SH3PXD2B: variants seen among roughly 807,000 people sequenced by gnomAD.
SH3PXD2B encodes the protein SH3 and PX domain-containing protein 2B.
In SH3PXD2B, 37 loss-of-function variants were observed where a neutral mutation model predicts 73.1. The ratio of observed to expected loss-of-function variants is 0.51; its 90% CI spans 0.39 to 0.67. The LOEUF is 0.67. SH3PXD2B is among the 30% of genes least tolerant of loss of function. The pLI, the probability that SH3PXD2B is intolerant of heterozygous loss-of-function variation, is 0.00. For missense variants in SH3PXD2B, 1,053 were observed against 1,197.8 expected (o/e 0.88, Z 1.78); for synonymous variants, 457 against 480.5 (o/e 0.95, Z 0.64).
At chr5:172,326,076 C>T (rs962349147) in intron 12 of SH3PXD2B, among the ~76,000 whole-genome samples, 5 of 152,134 alleles carry the variant, frequency 3.3e-5, no homozygotes, top group Admixed American at 6.5e-5. Context: ...CGTGAGCCAC[C>T]GCGCCTGGCT....
intron 1 of SH3PXD2B, among the ~76,000 whole-genome samples, chr5:172,444,619 G>T (rs1276465467): frequency 9.9e-5 from 15 of 152,166 alleles, no homozygotes; most frequent in Admixed American, 9.8e-4. Flanking sequence ...GGAATTTCAG[G>T]ATTACTACTG....
At chr5:172,387,909 T>C (rs1438790021) in intron 4 of SH3PXD2B, among the ~76,000 whole-genome samples, 10 of 151,116 alleles carry the variant, frequency 6.6e-5, no homozygotes, top group Non-Finnish European at 1.5e-5. Context: ...CTAAAACATT[T>C]TGTAATATTG....
intron 1 of SH3PXD2B, among the ~76,000 whole-genome samples, chr5:172,453,442 TC>T (rs1759848583): frequency 6.6e-6 from 1 of 152,004 alleles, no homozygotes; most frequent in Non-Finnish European, 1.5e-5. Context: ...TGCAGACGTG[TC>T]CCCTAGGTTG....
chr5:172,381,997 T>G, intron 5 of SH3PXD2B, 39 bp downstream of exon 5: 1 of 1,530,204 alleles, frequency 6.5e-7, no homozygotes, highest in Non-Finnish European at 9.0e-7. Flanking sequence ...GAGGGAGGGC[T>G]GTGGGGCTCC....
At chr5:172,432,987 TACAC>T (rs371432230) in intron 1 of SH3PXD2B, among the ~76,000 whole-genome samples, 2 of 150,142 alleles carry the variant, frequency 1.3e-5, no homozygotes, top group East Asian at 3.9e-4. Context: ...TGTGTGTCTG[TACAC>T]ACACACACAC....
intron 2 of SH3PXD2B, among the ~76,000 whole-genome samples, chr5:172,420,119 G>C (rs1273849905): frequency 6.6e-6 from 1 of 152,198 alleles, no homozygotes; most frequent in South Asian, 2.1e-4. Context: ...CCAGGGTTTA[G>C]ATCTTTCTTC....
intron 1 of SH3PXD2B, among the ~76,000 whole-genome samples, chr5:172,429,223 T>C (rs1473041830): frequency 6.6e-6 from 1 of 152,156 alleles, no homozygotes; most frequent in Non-Finnish European, 1.5e-5. Flanking sequence ...CTTTGGTCTG[T>C]AGAAAGGGAC....
At chr5:172,351,705 A>G (rs1757162238) in intron 9 of SH3PXD2B, among the ~76,000 whole-genome samples, 1 of 152,150 alleles carries the variant, frequency 6.6e-6, no homozygotes, top group South Asian at 2.1e-4. Flanking sequence ...GGAAAGTTGA[A>G]CAGACCCAAT....
intron 6 of SH3PXD2B, among the ~76,000 whole-genome samples, chr5:172,363,271 A>T (rs1169345024): frequency 6.6e-6 from 1 of 152,092 alleles, no homozygotes; most frequent in Non-Finnish European, 1.5e-5. Context: ...ATGATATATC[A>T]AATTAAACAC....
intron 2 of SH3PXD2B, among the ~76,000 whole-genome samples, chr5:172,412,249 G>A (rs146398716): frequency 1.6e-3 from 242 of 152,356 alleles, no homozygotes; most frequent in African/African-American, 5.5e-3. Flanking sequence ...TAGCAGGGCT[G>A]TCTGCTGGCA....
At position 172,334,926 on chromosome 5, in the gene SH3PXD2B, G is replaced by A. The variant is rs1171633959; in HGVS notation, c.*3443C>T. 9.1e-6 allele frequency: 9 copies of A among 985,266 alleles called. No homozygotes were observed. In the South Asian group the frequency reaches 1.4e-4, roughly 15 times the overall value. 61.0% of individuals were successfully genotyped at this position (985,266 alleles called of 1,614,324 possible). Reference sequence around the variant, plus strand: ...TTGACTTGGAAATTGATTCTATGGCGTGGCCTTGTGGCAGAGGTTTAAAAT... The same window carrying A: ...TTGACTTGGAAATTGATTCTATGGCATGGCCTTGTGGCAGAGGTTTAAAAT... On this transcript the variant is annotated 3_prime_UTR_variant, in exon 13 of 13. Coordinates refer to ENST00000311601, the MANE Select transcript of SH3PXD2B (RefSeq NM_001017995.3).
chr5:172,452,246 T>TTAAC (rs1316854758), intron 1 of SH3PXD2B, among the ~76,000 whole-genome samples: 1 of 152,090 alleles, frequency 6.6e-6, no homozygotes, highest in Non-Finnish European at 1.5e-5. Flanking sequence ...AATCTATGTT[T>TTAAC]TAACATAGAA....
rs192756622 is a variant in SH3PXD2B at position 172,401,218 on chromosome 5, C to T, written c.232+5059G>A. Among the ~76,000 whole-genome samples, 21 of 152,298 alleles carry T rather than the reference C, an allele frequency of 1.4e-4. 1 individual carries two copies. In the East Asian group the frequency reaches 4.0e-3, roughly 29 times the overall value. On this transcript the variant is annotated intron_variant, in intron 3 of 12. Transcript: ENST00000311601. ...CAAATGCAGTGTGATTGGAATACTT[C>T]GGATTTCTGTATCACCCCGTATTCC...
chr5:172,362,972 C>T (rs1757432926), intron 6 of SH3PXD2B, 103 bp from the exon 7 acceptor site: 1 of 1,455,858 alleles, frequency 6.9e-7, no homozygotes, highest in Admixed American at 1.7e-5. Flanking sequence ...AATAAAAAAG[C>T]AGCAGTTACA....
At chr5:172,377,625 A>G (rs1342241960) in intron 5 of SH3PXD2B, among the ~76,000 whole-genome samples, 2 of 152,214 alleles carry the variant, frequency 1.3e-5, no homozygotes, top group Non-Finnish European at 2.9e-5. Context: ...ATAAGCTCAG[A>G]GAAGTCAAGT....
intron 1 of SH3PXD2B, among the ~76,000 whole-genome samples, chr5:172,423,593 G>A (rs988916663): frequency 1.3e-5 from 2 of 151,618 alleles, no homozygotes; most frequent in African/African-American, 4.9e-5. Flanking sequence ...GTTGAAGGGA[G>A]AACATGTGAC....
chr5:172,363,377 C>T (rs539898778), intron 6 of SH3PXD2B, among the ~76,000 whole-genome samples: 12 of 152,238 alleles, frequency 7.9e-5, no homozygotes, highest in Admixed American at 2.6e-4. Context: ...AAGAGTACAA[C>T]GGTGAATAAA....
chr5:172,349,889 G>A (rs370250173), intron 10 of SH3PXD2B, among the ~76,000 whole-genome samples: 3 of 151,728 alleles, frequency 2.0e-5, no homozygotes, highest in Non-Finnish European at 2.9e-5. Context: ...CACTCTTGTC[G>A]CCCAGGCTGG....
intron 11 of SH3PXD2B, among the ~76,000 whole-genome samples, chr5:172,346,762 A>C (rs1428785937): frequency 6.6e-6 from 1 of 152,114 alleles, no homozygotes; most frequent in East Asian, 1.9e-4. Flanking sequence ...CAGGTGCTTG[A>C]TAAATAGCAG....
Sources: gnomAD v4.1 joint callset for allele counts (sites outside exome capture counted in the v4.1 genomes callset) on GRCh38, gnomAD v4.1.1 for gene constraint, MANE v1.5 for transcripts, NCBI Gene and HGNC (gene_info 2026-07-23, HGNC 2026-07-21) for gene names.